The following ARHGEF18 variants were observed in gnomAD, a reference collection of about 807,000 sequenced individuals.
ARHGEF18 encodes the protein Rho/Rac guanine nucleotide exchange factor 18, also known as rho guanine nucleotide exchange factor 18.
ARHGEF18 carries 93 observed loss-of-function variants against 155.7 expected under a neutral mutation model. That is an observed-to-expected ratio of 0.60 (90% CI 0.50 to 0.71). The LOEUF (loss-of-function observed/expected upper bound fraction) is 0.71. Ranked by LOEUF, ARHGEF18 falls within the 30% of genes least tolerant of loss-of-function variation. ARHGEF18 has a pLI of 0.00. For missense variants in ARHGEF18, 1,593 were observed against 1,816.1 expected (o/e 0.88, Z 2.23); for synonymous variants, 742 against 753.1 (o/e 0.99, Z 0.24).
At chr19:7,391,761 G>A (rs781087245) in intron 10 of ARHGEF18, among the ~76,000 whole-genome samples, 1 of 151,760 alleles carries the variant, frequency 6.6e-6, no homozygotes, top group Non-Finnish European at 1.5e-5. Context: ...GGGAGCCACT[G>A]GCATCTAGGA....
intron 15 of ARHGEF18, 127 bp from the exon 16 acceptor site, chr19:7,451,022 T>TCTTGCTGTCCGTTTCCGATATGTTAATGC (rs1975409519): frequency 1.5e-5 from 7 of 455,502 alleles, no homozygotes; most frequent in Admixed American, 4.1e-5. Flanking sequence ...GATGTTAATA[T>TCTTGCTGTCCGTTTCCGATATGTTAATGC]GGGATCTTGC....
At position 7,397,219 on chromosome 19, in the gene ARHGEF18, A is replaced by G. The variant is rs558262316; in HGVS notation, c.967+14016A>G. On this transcript the variant is annotated intron_variant, in intron 10 of 28. Coordinates refer to ENST00000668164, the MANE Select transcript of ARHGEF18 (RefSeq NM_001367823.1). ...ACTTTGTTTTGGTTTTGTATAGCTT[A>G]TTTAGTTTTTGTTTTCTTCTGAAAT... Among the ~76,000 whole-genome samples the G allele has an allele frequency of 2.8e-3, 422 of 151,212 alleles. 1 individual carries two copies. Among genetic ancestry groups the G allele is most frequent in the Middle Eastern group, 6.8e-3 (2 of 294 alleles).
At position 7,462,265 on chromosome 19, in the gene ARHGEF18, C is replaced by G. The variant is rs1474826542; in HGVS notation, c.2566C>G (p.Leu856Val). The G allele has an allele frequency of 1.2e-6, 2 of 1,613,520 alleles. No individual in the cohort carries two copies. Among genetic ancestry groups the G allele is most frequent in the Non-Finnish European group, 1.7e-6 (2 of 1,179,914 alleles). The part of the protein sequence containing the change: ...GLEDLPQPRG[L>V]FRGGDPSETL... ...CGAAGACCTGCCCCAGCCCCGAGGC[C>G]TATTCCGTGGAGGGGACCCATCCGA... is the stretch of plus-strand genomic sequence containing the variant. The change falls in exon 21 of 29, where the codon CTA becomes GTA. Residue 856 changes from leucine to valine, a missense_variant. Physicochemically the swap from Leu to Val is conservative, Grantham distance 32. Coordinates refer to ENST00000668164, the MANE Select transcript of ARHGEF18 (RefSeq NM_001367823.1). The surrounding 1 kb of genome is among the most constrained non-coding windows in gnomAD (Gnocchi z 4.4).
chr19:7,477,227 C>T (rs1178871428), downstream of ARHGEF18: 1 of 1,527,326 alleles, frequency 6.5e-7, no homozygotes, highest in Admixed American at 2.2e-5. Flanking sequence ...CTCGGCCTGG[C>T]CGCCGGCCCG....
chr19:7,394,002 G>A (rs1241876714), intron 10 of ARHGEF18, among the ~76,000 whole-genome samples: 2 of 126,204 alleles, frequency 1.6e-5, no homozygotes, highest in African/African-American at 8.4e-5. Flanking sequence ...CCTTTCTGAA[G>A]TCTATGCTGC....
chr19:7,470,140 G>A lies in ARHGEF18; in HGVS notation c.3928G>A (p.Ala1310Thr), dbSNP rs9329369. 3.3e-3 allele frequency: 5,376 copies of A among 1,612,046 alleles called. 141 individuals are homozygous for A. In the African/African-American group the frequency reaches 0.063, roughly 19 times the overall value. ...CTCTGTTCCAGACCCTGGCTTCCCC[G>A]CCCCGAGCCCACCGCCAGCTGACAG... ...PAPPPDPGFPAPSPPPADSPS... is the reference protein window; with the variant it reads ...PAPPPDPGFPTPSPPPADSPS... The change falls in exon 29 of 29, where the codon GCC becomes ACC. Residue 1310 changes from alanine to threonine, a missense_variant. Physicochemically the swap from Ala to Thr is moderately conservative, Grantham distance 58. Coordinates refer to ENST00000668164, the MANE Select transcript of ARHGEF18 (RefSeq NM_001367823.1). The surrounding 1 kb of genome is among the most constrained non-coding windows in gnomAD (Gnocchi z 5.9).
downstream of ARHGEF18, chr19:7,477,342 C>G (rs144230456): frequency 1.3e-6 from 2 of 1,557,966 alleles, no homozygotes; most frequent in South Asian, 2.4e-5. Flanking sequence ...AGCCAGTGCA[C>G]GGCGTTGGCC....
intron 10 of ARHGEF18, among the ~76,000 whole-genome samples, chr19:7,420,154 G>C (rs373875393): frequency 1.1e-4 from 16 of 152,290 alleles, no homozygotes; most frequent in East Asian, 9.6e-4. Context: ...GGGTCTTGCT[G>C]TATTGTCCAG....
chr19:7,459,918 G>C lies in ARHGEF18; in HGVS notation c.2376G>C (p.Glu792Asp). 1 of 1,581,862 alleles carries C rather than the reference G, an allele frequency of 6.3e-7. No homozygotes were observed. The highest frequency in any genetic ancestry group is 8.6e-7 in the Non-Finnish European group (1 of 1,163,958). ...CTCCCTGCAGCTGCCCTGACGAGGA[G>C]GAGGGGCCCTTCAGCCTGCCCGAAG... ...QRAVESCPDEEEGPFSLPEEE... is the reference protein window; with the variant it reads ...QRAVESCPDEDEGPFSLPEEE... The change falls in exon 20 of 29, where the codon GAG (glutamate) becomes GAC (aspartate). Residue 792 changes from glutamate to aspartate, a missense_variant. Transcript: ENST00000668164.
intron 20 of ARHGEF18, among the ~76,000 whole-genome samples, chr19:7,460,322 C>T (rs1316766060): frequency 1.3e-5 from 2 of 152,086 alleles, no homozygotes; most frequent in Non-Finnish European, 2.9e-5. Context: ...GCATCCCAGT[C>T]CCATACGAAG....
At position 7,453,509 on chromosome 19, in the gene ARHGEF18, T is replaced by C; in HGVS notation, c.1898T>C (p.Leu633Pro). The change falls in exon 17 of 29, where the codon CTC becomes CCC. Residue 633 changes from leucine to proline, a missense_variant. Leu to Pro is a moderately conservative substitution (Grantham distance 98). Coordinates refer to ENST00000668164, the MANE Select transcript of ARHGEF18 (RefSeq NM_001367823.1). ...GAAGACCTGACCCAGGCCTTGAACC[T>C]CATCAAAGATATCATCTCACAAGTG... ...DYEDLTQALN[L>P]IKDIISQVDA... 6 of 1,613,510 alleles carry C rather than the reference T, an allele frequency of 3.7e-6. No individual in the cohort carries two copies. Among genetic ancestry groups the C allele is most frequent in the Non-Finnish European group, 5.1e-6 (6 of 1,179,528 alleles).
At chr19:7,385,833 A>ATCTCTCTCTCTC (rs762196307) in intron 10 of ARHGEF18, among the ~76,000 whole-genome samples, 22 of 51,966 alleles carry the variant, frequency 4.2e-4, no homozygotes, top group Non-Finnish European at 7.2e-4. Context: ...ATCTCTCTCT[A>ATCTCTCTCTCTC]TCTCTCTCTC....
rs1460235697 is a variant in ARHGEF18 at position 7,467,651 on chromosome 19, G to A, written c.3447G>A (p.Ala1149=). The A allele has an allele frequency of 9.9e-6, 15 of 1,514,834 alleles. No individual in the cohort carries two copies. Among genetic ancestry groups the A allele is most frequent in the African/African-American group, 8.4e-5 (6 of 71,026 alleles). 93.8% of individuals were successfully genotyped at this position (1,514,834 alleles called of 1,614,324 possible). A position where few individuals can be genotyped will look rare whatever the true frequency, so the allele number is the denominator to read the frequency against. The change falls in exon 26 of 29, where the codon GCG becomes GCA. Residue 1149 remains alanine, a synonymous_variant. Transcript: ENST00000668164. The part of the protein sequence containing the change: ...LLRRLKKQNT[A]PGALPPDTLA... ...GCCGCCTCAAGAAGCAGAACACCGC[G>A]CCAGGCGCGCTGCCGCCCGACACAC...
At chr19:7,430,450 G>A (rs1197198505) in intron 10 of ARHGEF18, among the ~76,000 whole-genome samples, 5 of 151,192 alleles carry the variant, frequency 3.3e-5, no homozygotes, top group African/African-American at 7.3e-5. Flanking sequence ...TGATCCTCCC[G>A]CCTCAGCCCT....
rs576810992 is a variant in ARHGEF18, at chr19:7,402,457, T to A, written c.967+19254T>A. Among the ~76,000 whole-genome samples the A allele has an allele frequency of 5.9e-5, 9 of 152,246 alleles. No individual in the cohort carries two copies. In the South Asian group the frequency reaches 1.9e-3, roughly 32 times the overall value. On this transcript the variant is annotated intron_variant, in intron 10 of 28. Transcript: ENST00000668164. ...AATAAATACATAAAATAGATTGTGA[T>A]GACAGATGCAGAACTCTGTGAACAT... is the stretch of plus-strand genomic sequence containing the variant.
At chr19:7,472,694 T>G (rs1236737068), downstream of ARHGEF18, 1 of 291,860 alleles carries the variant, frequency 3.4e-6, no homozygotes, top group Non-Finnish European at 6.7e-6. Flanking sequence ...TTTGTTTCTG[T>G]TTTTTTGGTT....
chr19:7,417,132 A>G (rs186453799), intron 10 of ARHGEF18, among the ~76,000 whole-genome samples: 8 of 151,546 alleles, frequency 5.3e-5, no homozygotes, highest in Admixed American at 2.6e-4. Context: ...CTGGTCTCGA[A>G]CTCCTGACCT....
intron 10 of ARHGEF18, among the ~76,000 whole-genome samples, chr19:7,385,991 T>G (rs1295801530): frequency 8.5e-6 from 1 of 117,668 alleles, no homozygotes; most frequent in Non-Finnish European, 1.8e-5. Context: ...CCTCTCTCTC[T>G]CTCTCCCTCT....
At chr19:7,368,152 C>A (rs925412777) in intron 2 of ARHGEF18, among the ~76,000 whole-genome samples, 1 of 151,750 alleles carries the variant, frequency 6.6e-6, no homozygotes, top group African/African-American at 2.4e-5. Context: ...GGTGTGTTAT[C>A]TTTTTCCAAC....
Sources: gnomAD v4.1 joint callset for allele counts (sites outside exome capture counted in the v4.1 genomes callset) on GRCh38, gnomAD v4.1.1 for gene constraint, Gnocchi (gnomAD v3.1) non-coding constraint, MANE v1.5 for transcripts, NCBI Gene and HGNC (gene_info 2026-07-23, HGNC 2026-07-21) for gene names.